ZNF48: variants seen among roughly 807,000 people sequenced by gnomAD.
ZNF48 encodes the protein zinc finger protein 553.
In ZNF48, 20 loss-of-function variants were observed where a neutral mutation model predicts 40.0. The observed-to-expected ratio is 0.50, with a 90% CI of 0.35 to 0.73. The LOEUF is 0.73. Ranked by LOEUF, ZNF48 falls within the 30% of genes least tolerant of loss-of-function variation. The pLI is 0.01. For synonymous variants in ZNF48, 298 were observed against 329.7 expected, an observed-to-expected ratio of 0.90 and a Z score of 1.04; for missense variants, 726 against 851.9, an observed-to-expected ratio of 0.85 and a Z score of 1.84.
chr16:30,394,859 C>T, upstream of ZNF48: 1 of 230,340 alleles, frequency 4.3e-6, no homozygotes, highest in Non-Finnish European at 9.0e-6. Context: ...CTGTTCCGGG[C>T]CCCAGGTCTG....
Position 30,399,402 on chromosome 16 carries a change from C to T in ZNF48, c.*295C>T. 3.4e-6 allele frequency: 1 copy of T among 293,190 alleles called. No individual in the cohort carries two copies. The highest frequency in any genetic ancestry group is 9.8e-4 in the Middle Eastern group (1 of 1,020). The allele number at this position is 293,190 out of a possible 1,614,324, so 18.2% of individuals were successfully genotyped here. A position where few individuals can be genotyped will look rare whatever the true frequency, so the allele number is the denominator to read the frequency against. ...ATAAACTGGCTTTCACCTAAGGACT[C>T]AACCCTAAATTCCTGCTGCCTCATC... On this transcript the variant is annotated 3_prime_UTR_variant, in exon 3 of 3. Coordinates refer to ENST00000613509, the MANE Select transcript of ZNF48 (RefSeq NM_001214909.2).
Position 30,399,299 on chromosome 16 carries a change from C to T in ZNF48, c.*192C>T, listed in dbSNP as rs1029361004. ...CTGTCCTGGCTGGGCTGAGTCAGGA[C>T]CTTGCCAGGACGGGCTGTACCCCTG... On this transcript the variant is annotated 3_prime_UTR_variant, in exon 3 of 3. Transcript: ENST00000613509. 3 of 591,836 alleles carry T rather than the reference C, an allele frequency of 5.1e-6. No individual in the cohort carries two copies. In the African/African-American group the frequency reaches 5.6e-5, roughly 11 times the overall value. 36.7% of individuals were successfully genotyped at this position (591,836 alleles called of 1,614,324 possible).
chr16:30,379,220 G>A (rs1419526404), intron 1 of ZNF48: 1 of 1,610,954 alleles, frequency 6.2e-7, no homozygotes, highest in South Asian at 1.1e-5. Context: ...GAACGTCAGG[G>A]AGTTTCGGGT....
Position 30,381,556 on chromosome 16 carries a change from A to G in ZNF48, c.-16+3146A>G. Reference sequence around the variant, plus strand: ...GGCTAGCCAGGACTGTGGGAGTAGAATGTCATTTCTTTGGCTCCCTCCAAA... The same window carrying G: ...GGCTAGCCAGGACTGTGGGAGTAGAGTGTCATTTCTTTGGCTCCCTCCAAA... On this transcript the variant is annotated intron_variant, in intron 1 of 2. Transcript: ENST00000528032. The surrounding 1 kb of genome is among the most constrained non-coding windows in gnomAD (Gnocchi z 4.3). The G allele has an allele frequency of 6.4e-7, 1 of 1,556,692 alleles. No homozygotes were observed. Among genetic ancestry groups the G allele is most frequent in the South Asian group, 1.1e-5 (1 of 87,832 alleles).
chr16:30,387,580 GAC>G (rs1181499082), intron 1 of ZNF48, among the ~76,000 whole-genome samples: 2 of 147,438 alleles, frequency 1.4e-5, no homozygotes, highest in Non-Finnish European at 3.0e-5. Flanking sequence ...ACCAAAAAAA[GAC>G]AGAGTTTTCC....
rs183063088 is a variant in ZNF48 at position 30,399,158 on chromosome 16, C to T, written c.*51C>T. The T allele has an allele frequency of 2.9e-4, 424 of 1,486,848 alleles. 3 individuals are homozygous for T. In the East Asian group the frequency reaches 5.9e-3, roughly 21 times the overall value. 92.1% of individuals were successfully genotyped at this position (1,486,848 alleles called of 1,614,324 possible). ...AGGAGACCAAAGGGAGGGGCTCTGC[C>T]GCTTAGCAGAGAAGAAAGGGCCTGG... On this transcript the variant is annotated 3_prime_UTR_variant, in exon 3 of 3. Transcript: ENST00000613509.
chr16:30,382,129 T>G lies in ZNF48; in HGVS notation c.-16+3719T>G, dbSNP rs570526302. The G allele has an allele frequency of 6.3e-7, 1 of 1,590,440 alleles. No individual in the cohort carries two copies. Among genetic ancestry groups the G allele is most frequent in the East Asian group, 2.3e-5 (1 of 43,498 alleles). On this transcript the variant is annotated intron_variant, in intron 1 of 2. Transcript: ENST00000528032. This position sits in a 1 kb window ranked among gnomAD's most constrained non-coding sequence, Gnocchi z 4.8. The stretch of plus-strand genomic sequence containing the variant: ...GGCACCTGGCGATCCTCATAGAGGT[T>G]GGTGAGGAAGAGGCTGTTGATGAGG...
chr16:30,397,735 A>G lies in ZNF48; in HGVS notation c.485A>G (p.His162Arg). Residue 162 changes from histidine (H) to arginine (R), a missense_variant, in exon 3 of 3, where the codon CAT becomes CGT. His to Arg is a conservative substitution (Grantham distance 29, BLOSUM62 0). Coordinates refer to ENST00000613509, the MANE Select transcript of ZNF48 (RefSeq NM_001214909.2). This position sits in a 1 kb window ranked among gnomAD's most constrained non-coding sequence, Gnocchi z 4.1. ...SSARIKHQRT[H>R]SGEKPYRARP... Reference sequence around the variant, plus strand: ...GCCCGGATCAAACACCAGCGGACTCATAGTGGGGAGAAGCCCTATAGAGCC... The same window carrying G: ...GCCCGGATCAAACACCAGCGGACTCGTAGTGGGGAGAAGCCCTATAGAGCC... 1 of 1,613,924 alleles carries G rather than the reference A, an allele frequency of 6.2e-7. No homozygotes were observed. Among genetic ancestry groups the G allele is most frequent in the Non-Finnish European group, 8.5e-7 (1 of 1,179,964 alleles).
chr16:30,396,354 C>T (rs2049984286), intron 2 of ZNF48, among the ~76,000 whole-genome samples: 1 of 152,168 alleles, frequency 6.6e-6, no homozygotes, highest in Non-Finnish European at 1.5e-5. Flanking sequence ...CCATTATTTT[C>T]TCTTCGCTCT....
At chr16:30,395,312 C>T, upstream of ZNF48, 1 of 453,680 alleles carries the variant, frequency 2.2e-6, no homozygotes, top group Admixed American at 2.4e-5. The surrounding 1 kb of genome is among the most constrained non-coding windows in gnomAD (Gnocchi z 5.9). Context: ...CCGCACGCTG[C>T]CGCCCGCCGG....
chr16:30,385,365 G>A (rs1272584450), intron 1 of ZNF48, among the ~76,000 whole-genome samples: 3 of 151,998 alleles, frequency 2.0e-5, no homozygotes, highest in African/African-American at 4.8e-5. Context: ...GGTGGTTCAC[G>A]CCTGTAATCC....
chr16:30,393,524 A>G (rs1005895467), upstream of ZNF48, among the ~76,000 whole-genome samples: 2 of 151,552 alleles, frequency 1.3e-5, no homozygotes, highest in Admixed American at 1.3e-4. Flanking sequence ...AGCTGGGATT[A>G]CAGGCCCGTG....
At position 30,381,881 on chromosome 16, in the gene ZNF48, G is replaced by T; in HGVS notation, c.-16+3471G>T. The stretch of plus-strand genomic sequence containing the variant: ...TCAATGGCCAGGGTCTGTGTCAAGC[G>T]AGCTGTGGGATGGGGGAGAGGTCAG... On this transcript the variant is annotated intron_variant, in intron 1 of 2. Coordinates refer to the ZNF48 transcript ENST00000528032. The surrounding 1 kb of genome is among the most constrained non-coding windows in gnomAD (Gnocchi z 4.3). 3 of 1,614,080 alleles carry T rather than the reference G, an allele frequency of 1.9e-6. No homozygotes were observed. The highest frequency in any genetic ancestry group is 2.5e-6 in the Non-Finnish European group (3 of 1,179,996).
intron 1 of ZNF48, chr16:30,380,988 C>T (rs2049838976): frequency 5.2e-6 from 4 of 765,628 alleles, no homozygotes; most frequent in Non-Finnish European, 9.1e-6. Flanking sequence ...GGCTTACCAC[C>T]CGCCTTCCTC....
chr16:30,380,450 C>T (rs1427038013), intron 1 of ZNF48: 1 of 158,926 alleles, frequency 6.3e-6, no homozygotes, highest in African/African-American at 2.4e-5. Context: ...TACAAGTGCA[C>T]ACCACCACAC....
At position 30,382,052 on chromosome 16, in the gene ZNF48, G is replaced by A; in HGVS notation, c.-16+3642G>A. 3 of 1,584,482 alleles carry A rather than the reference G, an allele frequency of 1.9e-6. No individual in the cohort carries two copies. The highest frequency in any genetic ancestry group is 2.6e-6 in the Non-Finnish European group (3 of 1,163,302). ...TGGAAAAGACTAGGGTGTAACCTGGGGACAGGGGCTACTGCCTCAAGAGGG... is the reference window on the plus strand; with the variant it reads ...TGGAAAAGACTAGGGTGTAACCTGGAGACAGGGGCTACTGCCTCAAGAGGG... On this transcript the variant is annotated intron_variant, in intron 1 of 2. Transcript: ENST00000528032. This position sits in a 1 kb window ranked among gnomAD's most constrained non-coding sequence, Gnocchi z 4.8.
upstream of ZNF48, among the ~76,000 whole-genome samples, chr16:30,393,535 C>A (rs1443936221): frequency 6.6e-6 from 1 of 151,872 alleles, no homozygotes; most frequent in Non-Finnish European, 1.5e-5. Context: ...CAGGCCCGTG[C>A]CACCACGCCC....
upstream of ZNF48, among the ~76,000 whole-genome samples, chr16:30,390,495 C>CA (rs2049933853): frequency 6.6e-6 from 1 of 151,672 alleles, no homozygotes; most frequent in African/African-American, 2.4e-5. Flanking sequence ...CTGCAACATC[C>CA]CCTCCCGGGT....
Position 30,381,138 on chromosome 16 carries a change from G to C in ZNF48, c.-16+2728G>C. On this transcript the variant is annotated intron_variant, in intron 1 of 2. Transcript: ENST00000528032. This position sits in a 1 kb window ranked among gnomAD's most constrained non-coding sequence, Gnocchi z 4.3. ...GTCATCACTCACACCTTCTGCTTGA[G>C]GGCCTGGGTTTCCTGGGGCATCAGA... 6.2e-7 allele frequency: 1 copy of C among 1,613,526 alleles called. No individual in the cohort carries two copies. The highest frequency in any genetic ancestry group is 2.2e-5 in the East Asian group (1 of 44,892).
Sources: allele counts gnomAD v4.1 joint callset (sites outside exome capture counted in the v4.1 genomes callset), GRCh38; gene constraint gnomAD v4.1.1; non-coding constraint Gnocchi (gnomAD v3.1); transcripts MANE v1.5; gene names NCBI Gene and HGNC (gene_info 2026-07-23, HGNC 2026-07-21).